SLC5A1: variants seen among roughly 807,000 people sequenced by gnomAD.
SLC5A1 encodes solute carrier family 5 member 1.
A neutral mutation model predicts 73.5 loss-of-function variants in SLC5A1; 42 were observed. The observed-to-expected ratio is 0.57, with a 90% CI of 0.45 to 0.74. The LOEUF (loss-of-function observed/expected upper bound fraction) is 0.74. SLC5A1 is among the 30% of genes least tolerant of loss of function. The pLI is 0.00. For synonymous variants in SLC5A1, 300 were observed against 317.4 expected (o/e 0.95, Z 0.58); for missense variants, 634 against 855.4 (o/e 0.74, Z 3.23).
Position 32,110,534 on chromosome 22 carries a change from CG to C in SLC5A1, c.*324del. On this transcript the variant is annotated 3_prime_UTR_variant, in exon 15 of 15. Transcript: ENST00000266088. ...ACGTGAGTCTGTCTCAGGTAGATTC[CG>C]GGTGTCAGTGTGGTTTATAATCCTT... 2.4e-6 allele frequency: 1 copy of C among 417,590 alleles called. No homozygotes were observed. The highest frequency in any genetic ancestry group is 2.0e-5 in the African/African-American group (1 of 49,486). The allele number at this position is 417,590 out of a possible 1,614,324, so 25.9% of individuals were successfully genotyped here.
At chr22:32,081,070 T>G (rs1603126162) in intron 5 of SLC5A1, among the ~76,000 whole-genome samples, 1 of 152,220 alleles carries the variant, frequency 6.6e-6, no homozygotes, top group East Asian at 1.9e-4. Flanking sequence ...GGAGATGACA[T>G]GAACATGCAT....
At chr22:32,084,704 C>A in intron 8 of SLC5A1, 45 bp downstream of exon 8, 1 of 1,566,110 alleles carries the variant, frequency 6.4e-7, no homozygotes, top group Non-Finnish European at 8.8e-7. Context: ...TTCTCCAGGG[C>A]CCTACAGGAA....
chr22:32,060,172 CACACACACACACACAT>C (rs2093959751), intron 2 of SLC5A1, among the ~76,000 whole-genome samples: 3 of 100,066 alleles, frequency 3.0e-5, no homozygotes, highest in South Asian at 7.6e-4. Context: ...CACACACACA[CACACACACACACACAT>C]ATATATATAT....
intron 4 of SLC5A1, 75 bp from the exon 5 acceptor site, chr22:32,068,421 T>C: frequency 1.1e-6 from 1 of 911,728 alleles, no homozygotes; most frequent in Non-Finnish European, 1.9e-6. Flanking sequence ...GATATTAGGA[T>C]GGTGTCACTG....
chr22:32,069,740 C>G (rs2093979785), intron 5 of SLC5A1, among the ~76,000 whole-genome samples: 1 of 152,152 alleles, frequency 6.6e-6, no homozygotes, highest in Non-Finnish European at 1.5e-5. Flanking sequence ...AGGCATGGGC[C>G]TTTGTGCCCT....
chr22:32,060,052 C>CACACATAT (rs1450100086), intron 2 of SLC5A1, among the ~76,000 whole-genome samples: 12 of 115,542 alleles, frequency 1.0e-4, no homozygotes, highest in African/African-American at 3.8e-4. Flanking sequence ...CACACACACA[C>CACACATAT]ATATATACAC....
chr22:32,110,104 A>G lies in SLC5A1; in HGVS notation c.1886A>G (p.Lys629Arg). Residue 629 changes from lysine to arginine, a missense_variant, in exon 15 of 15, where the codon AAG becomes AGG. Physicochemically the swap from Lys to Arg is conservative, Grantham distance 26 (BLOSUM62 2). Coordinates refer to ENST00000266088, the MANE Select transcript of SLC5A1 (RefSeq NM_000343.4). ...ACTGAGGAAGAGGAGAAAGCCATGA[A>G]GATGAAGATGACGGACACCTCTGAG... ...KMTEEEEKAM[K>R]MKMTDTSEKP... 1 of 1,614,138 alleles carries G rather than the reference A, an allele frequency of 6.2e-7. No homozygotes were observed. Among genetic ancestry groups the G allele is most frequent in the Non-Finnish European group, 8.5e-7 (1 of 1,179,954 alleles).
intron 10 of SLC5A1, among the ~76,000 whole-genome samples, chr22:32,090,442 G>A (rs2094015296): frequency 6.6e-6 from 1 of 151,944 alleles, no homozygotes; most frequent in African/African-American, 2.4e-5. Context: ...TTAACATAAT[G>A]TTTGCAAGGT....
intron 2 of SLC5A1, among the ~76,000 whole-genome samples, chr22:32,058,041 A>C (rs754983027): frequency 6.6e-6 from 1 of 152,088 alleles, no homozygotes; most frequent in Non-Finnish European, 1.5e-5. Flanking sequence ...TTAAAAATGC[A>C]CTCATTGTTT....
intron 2 of SLC5A1, among the ~76,000 whole-genome samples, chr22:32,064,555 A>G (rs1024922175): frequency 1.3e-5 from 2 of 151,804 alleles, no homozygotes; most frequent in Admixed American, 6.6e-5. Context: ...AAGGAGGTAG[A>G]TGTCTCTAAA....
rs5994463 is a variant in SLC5A1 at position 32,067,096 on chromosome 22, C to T, written c.312+57C>T. 11,188 of 1,341,214 alleles carry T rather than the reference C, an allele frequency of 8.3e-3. 444 individuals are homozygous for T. The African/African-American group carries it at 0.11, about 13-fold the overall frequency. 83.1% of individuals were successfully genotyped at this position (1,341,214 alleles called of 1,614,324 possible). On this transcript the variant is annotated intron_variant, in intron 3 of 14. Coordinates refer to ENST00000266088, the MANE Select transcript of SLC5A1 (RefSeq NM_000343.4). ...GCTGGAAGGAGCCTTAGCAGTCAAC[C>T]AGTTCAATCTATGCTCAGAGGAGCT... is the stretch of plus-strand genomic sequence containing the variant.
intron 6 of SLC5A1, among the ~76,000 whole-genome samples, chr22:32,082,575 G>A (rs1051237912): frequency 1.3e-5 from 2 of 152,134 alleles, no homozygotes; most frequent in African/African-American, 4.8e-5. Context: ...AGAAGCTGGT[G>A]CATAAATAGC....
rs1020640402 is a variant in SLC5A1, at chr22:32,110,693, C to T, written c.*480C>T. On this transcript the variant is annotated 3_prime_UTR_variant, in exon 15 of 15. Transcript: ENST00000266088. ...CTCTTGAGTTTTGCCTGGACTTTCC[C>T]TCTCAAGTGTGTCAATCAGGTAAAC... 1.7e-5 allele frequency: 4 copies of T among 239,960 alleles called. No homozygotes were observed. Among genetic ancestry groups the T allele is most frequent in the African/African-American group, 9.1e-5 (4 of 43,940 alleles). The allele number at this position is 239,960 out of a possible 1,614,324, so 14.9% of individuals were successfully genotyped here.
At chr22:32,072,927 GGATGTTA>G (rs2093985000) in intron 5 of SLC5A1, among the ~76,000 whole-genome samples, 1 of 152,028 alleles carries the variant, frequency 6.6e-6, no homozygotes, top group African/African-American at 2.4e-5. Flanking sequence ...CATATATTCT[GGATGTTA>G]GACCCTTATC....
rs142046439 is a variant in SLC5A1 at position 32,091,682 on chromosome 22, C to T, written c.1200C>T (p.Ser400=). 2.4e-4 allele frequency: 387 copies of T among 1,614,052 alleles called. 2 individuals carry two copies. In the East Asian group the frequency reaches 7.9e-3, roughly 33 times the overall value. ...LMSSLTSIFN[S]ASTLFTMDIY... The stretch of plus-strand genomic sequence containing the variant: ...GCTCCCTGACCTCCATCTTCAACAG[C>T]GCCAGCACCCTCTTCACCATGGACA... Residue 400 remains serine, a synonymous_variant, in exon 11 of 15, where the codon AGC becomes AGT. Transcript: ENST00000266088.
intron 13 of SLC5A1, among the ~76,000 whole-genome samples, chr22:32,103,157 C>T (rs1374784553): frequency 6.6e-6 from 1 of 152,178 alleles, no homozygotes; most frequent in African/African-American, 2.4e-5. Context: ...TAGTGTTCTT[C>T]ATTGTGGCTG....
At chr22:32,107,177 G>C (rs2094047722) in intron 14 of SLC5A1, among the ~76,000 whole-genome samples, 1 of 152,140 alleles carries the variant, frequency 6.6e-6, no homozygotes, top group African/African-American at 2.4e-5. Context: ...CCCTGGGGCA[G>C]GCAGGCAGGA....
Position 32,082,495 on chromosome 22 carries a change from C to T in SLC5A1, c.583+524C>T, listed in dbSNP as rs541223859. ...ATTTGATGTGTCAGGGACTGGGAGC[C>T]CCTGTAAGGAGGGAGAAAGGCAGTG... is the stretch of plus-strand genomic sequence containing the variant. On this transcript the variant is annotated intron_variant, in intron 6 of 14. Coordinates refer to ENST00000266088, the MANE Select transcript of SLC5A1 (RefSeq NM_000343.4). 1.1e-4 allele frequency among the ~76,000 whole-genome samples: 17 copies of T among 152,180 alleles called. No individual in the cohort carries two copies. In the South Asian group the frequency reaches 3.5e-3, roughly 32 times the overall value.
At chr22:32,080,921 G>A (rs1487823085) in intron 5 of SLC5A1, among the ~76,000 whole-genome samples, 2 of 152,154 alleles carry the variant, frequency 1.3e-5, no homozygotes, top group Admixed American at 1.3e-4. Flanking sequence ...TTGAACCCAG[G>A]AGGCAGAGGT....
Sources: gnomAD v4.1 joint callset for allele counts (sites outside exome capture counted in the v4.1 genomes callset) on GRCh38, gnomAD v4.1.1 for gene constraint, MANE v1.5 for transcripts, NCBI Gene and HGNC (gene_info 2026-07-23, HGNC 2026-07-21) for gene names.